The following ZNF385D variants were observed in gnomAD, a reference collection of about 807,000 sequenced individuals.
The protein encoded by ZNF385D is zinc finger protein 659.
A neutral mutation model predicts 35.8 loss-of-function variants in ZNF385D; 15 were observed. The ratio of observed to expected loss-of-function variants is 0.42; its 90% confidence interval spans 0.28 to 0.64. ZNF385D has a LOEUF of 0.64. Among genes scored for constraint, ZNF385D ranks in the 30% least tolerant of loss-of-function variants. The probability of loss-of-function intolerance (pLI) is 0.23; values close to 1 mark genes in which losing one functional copy is unlikely to be tolerated. For missense variants in ZNF385D, 474 were observed against 494.6 expected (o/e 0.96, Z 0.39); for synonymous variants, 212 against 186.8 (o/e 1.13, Z -1.10).
intron 3 of ZNF385D, among the ~76,000 whole-genome samples, chr3:21,914,434 G>T (rs940469857): frequency 6.9e-6 from 1 of 145,200 alleles, no homozygotes; most frequent in African/African-American, 2.5e-5. Context: ...TTGAAGAAAT[G>T]AAAATATGTG....
chr3:22,081,845 G>C (rs1267471618), intron 3 of ZNF385D, among the ~76,000 whole-genome samples: 1 of 152,050 alleles, frequency 6.6e-6, no homozygotes, highest in African/African-American at 2.4e-5. Context: ...AATTGTGTAT[G>C]AATTCACTGA....
chr3:21,984,095 T>C (rs1483398281), intron 3 of ZNF385D, among the ~76,000 whole-genome samples: 24 of 133,710 alleles, frequency 1.8e-4, no homozygotes, highest in Non-Finnish European at 3.2e-4. Context: ...GTTGCGAAAA[T>C]TTTCTCCCAT....
At chr3:22,029,038 G>C (rs137922184) in intron 3 of ZNF385D, among the ~76,000 whole-genome samples, 1 of 152,118 alleles carries the variant, frequency 6.6e-6, no homozygotes, top group Non-Finnish European at 1.5e-5. Context: ...CACTAGCACA[G>C]TTTTTGCTTC....
intron 3 of ZNF385D, among the ~76,000 whole-genome samples, chr3:22,013,111 T>C (rs190759133): frequency 1.3e-5 from 2 of 152,202 alleles, no homozygotes; most frequent in East Asian, 1.9e-4. Context: ...AGCTAAGAAA[T>C]TGGCAATCTG....
At chr3:21,874,804 T>C (rs1697878453) in intron 3 of ZNF385D, among the ~76,000 whole-genome samples, 2 of 152,102 alleles carry the variant, frequency 1.3e-5, no homozygotes, top group Non-Finnish European at 2.9e-5. Context: ...GAGATTGCAC[T>C]GGATCTGCTT....
chr3:22,166,769 A>G (rs572027052), intron 3 of ZNF385D, among the ~76,000 whole-genome samples: 1 of 152,368 alleles, frequency 6.6e-6, no homozygotes, highest in African/African-American at 2.4e-5. Context: ...GTTTCTAAAC[A>G]AGATGTATCT....
At chr3:21,636,395 TA>T (rs1559478896) in intron 2 of ZNF385D, among the ~76,000 whole-genome samples, 3 of 39,454 alleles carry the variant, frequency 7.6e-5, no homozygotes, top group Admixed American at 6.6e-4. Flanking sequence ...TATATATATA[TA>T]TATATATATA....
At chr3:22,248,576 G>T (rs1427105844) in intron 2 of ZNF385D, among the ~76,000 whole-genome samples, 1 of 135,144 alleles carries the variant, frequency 7.4e-6, no homozygotes, top group South Asian at 2.3e-4. Flanking sequence ...AGGAGGCAAG[G>T]CTTTTGGATT....
intron 3 of ZNF385D, among the ~76,000 whole-genome samples, chr3:21,559,964 T>G (rs1486069876): frequency 6.6e-6 from 1 of 152,220 alleles, no homozygotes; most frequent in Non-Finnish European, 1.5e-5. Flanking sequence ...TTGATACTTG[T>G]GTATGCCTCA....
intron 3 of ZNF385D, among the ~76,000 whole-genome samples, chr3:21,875,853 C>G (rs1336158222): frequency 6.6e-6 from 1 of 151,984 alleles, no homozygotes; most frequent in Non-Finnish European, 1.5e-5. Flanking sequence ...CTGGCAGACC[C>G]AGGCTGGTCA....
At chr3:21,945,435 G>T (rs752499992) in intron 3 of ZNF385D, among the ~76,000 whole-genome samples, 1 of 152,036 alleles carries the variant, frequency 6.6e-6, no homozygotes, top group Non-Finnish European at 1.5e-5. Flanking sequence ...TTTAAGCCTG[G>T]TTTTTCTACT....
intron 2 of ZNF385D, among the ~76,000 whole-genome samples, chr3:22,290,466 G>A (rs1702244156): frequency 6.6e-6 from 1 of 152,150 alleles, no homozygotes; most frequent in Non-Finnish European, 1.5e-5. Context: ...AAGAAGCTGG[G>A]AAGGGGACAT....
At chr3:21,889,600 A>T (rs1000153533) in intron 3 of ZNF385D, among the ~76,000 whole-genome samples, 1 of 152,156 alleles carries the variant, frequency 6.6e-6, no homozygotes, top group Non-Finnish European at 1.5e-5. Flanking sequence ...TCAGAAAAAA[A>T]ACTGGGGAGA....
chr3:21,473,874 A>G (rs972932454), intron 4 of ZNF385D, among the ~76,000 whole-genome samples: 6 of 152,046 alleles, frequency 3.9e-5, no homozygotes, highest in Admixed American at 2.6e-4. Flanking sequence ...CTATTAAACC[A>G]TCTGCCTTTT....
At chr3:21,774,948 G>T (rs1273476954) in intron 3 of ZNF385D, among the ~76,000 whole-genome samples, 1 of 151,882 alleles carries the variant, frequency 6.6e-6, no homozygotes, top group African/African-American at 2.4e-5. Context: ...AAACCAACTG[G>T]CTTTCTAGAG....
At chr3:21,595,337 T>C (rs1243031676) in intron 2 of ZNF385D, among the ~76,000 whole-genome samples, 1 of 151,964 alleles carries the variant, frequency 6.6e-6, no homozygotes, top group Non-Finnish European at 1.5e-5. Flanking sequence ...GACAGAAACA[T>C]ATATAACTGC....
chr3:21,878,228 T>C (rs1052501282), intron 3 of ZNF385D: 2 of 152,048 alleles, frequency 1.3e-5, no homozygotes, highest in Admixed American at 6.6e-5. Flanking sequence ...AAGTAACTTA[T>C]CCAGGTGATG....
intron 2 of ZNF385D, among the ~76,000 whole-genome samples, chr3:21,616,744 T>G (rs921403987): frequency 1.3e-5 from 2 of 152,204 alleles, no homozygotes; most frequent in Admixed American, 6.5e-5. Context: ...TTATAACATT[T>G]AATGTCTAAA....
intron 2 of ZNF385D, among the ~76,000 whole-genome samples, chr3:21,620,516 G>A (rs1290348186): frequency 6.6e-6 from 1 of 152,114 alleles, no homozygotes; most frequent in Non-Finnish European, 1.5e-5. Context: ...ATCCTTCAAT[G>A]CAGACTGGGA....
Sources: gnomAD v4.1 joint callset for allele counts (sites outside exome capture counted in the v4.1 genomes callset) on GRCh38, gnomAD v4.1.1 for gene constraint, MANE v1.5 for transcripts, NCBI Gene and HGNC (gene_info 2026-07-23, HGNC 2026-07-21) for gene names.